Variants in ATP13A3 observed in about 807,000 individuals in gnomAD.
ATP13A3 encodes the protein polyamine-transporting ATPase 13A3.
In ATP13A3, 59 loss-of-function variants were observed where a neutral mutation model predicts 158.1. The observed-to-expected ratio is 0.37, with a 90% confidence interval of 0.30 to 0.46. The LOEUF is 0.46. Among genes scored for constraint, ATP13A3 ranks in the 20% least tolerant of loss-of-function variants. ATP13A3 has a pLI of 1.00. For synonymous variants in ATP13A3, 491 were observed against 504.3 expected, an observed-to-expected ratio of 0.97 and a Z score of 0.35; for missense variants, 1,166 against 1,525.2, an observed-to-expected ratio of 0.76 and a Z score of 3.92.
At chr3:194,476,046 C>A (rs1720509071) in intron 2 of ATP13A3, among the ~76,000 whole-genome samples, 1 of 152,148 alleles carries the variant, frequency 6.6e-6, no homozygotes, top group African/African-American at 2.4e-5. Context: ...TCTTACTCCA[C>A]ATGTACTTGA....
chr3:194,460,251 C>T (rs1010978677), intron 4 of ATP13A3, among the ~76,000 whole-genome samples: 81 of 152,100 alleles, frequency 5.3e-4, no homozygotes, highest in African/African-American at 1.8e-3. Flanking sequence ...TATATTTGGA[C>T]TAAATATTAA....
At chr3:194,440,696 T>G (rs1717991304) in intron 16 of ATP13A3, among the ~76,000 whole-genome samples, 1 of 151,996 alleles carries the variant, frequency 6.6e-6, no homozygotes, top group Non-Finnish European at 1.5e-5. Context: ...AGCCATGGGG[T>G]GGGGGCCAGA....
intron 30 of ATP13A3, among the ~76,000 whole-genome samples, chr3:194,424,157 A>T (rs1716591082): frequency 6.6e-6 from 1 of 151,850 alleles, no homozygotes; most frequent in Non-Finnish European, 1.5e-5. Flanking sequence ...GTTCTAATAC[A>T]GTTCTTAGTA....
chr3:194,413,419 A>G (rs570280448), intron 32 of ATP13A3, among the ~76,000 whole-genome samples: 1 of 152,254 alleles, frequency 6.6e-6, no homozygotes, highest in East Asian at 1.9e-4. Context: ...ATCACAAAAC[A>G]CAGGTGGCAC....
chr3:194,473,877 A>T (rs1207304588), intron 2 of ATP13A3, among the ~76,000 whole-genome samples: 1 of 152,240 alleles, frequency 6.6e-6, no homozygotes, highest in Non-Finnish European at 1.5e-5. Context: ...TATGTAATAT[A>T]TAAAAACAGG....
At chr3:194,445,573 A>G (rs866397359) in intron 14 of ATP13A3, among the ~76,000 whole-genome samples, 1 of 152,234 alleles carries the variant, frequency 6.6e-6, no homozygotes, top group Admixed American at 6.5e-5. Context: ...TATTATACAC[A>G]CATCTTTTCT....
chr3:194,457,056 A>G, intron 7 of ATP13A3, 38 bp downstream of exon 7: 2 of 1,511,458 alleles, frequency 1.3e-6, no homozygotes, highest in South Asian at 1.1e-5. Context: ...GCTTTTAGGA[A>G]TTTTGAGAAG....
intron 11 of ATP13A3, among the ~76,000 whole-genome samples, chr3:194,449,795 C>A (rs1718679593): frequency 6.6e-6 from 1 of 152,004 alleles, no homozygotes; most frequent in South Asian, 2.1e-4. Context: ...AATATAAAAT[C>A]TTTCTTTATT....
intron 15 of ATP13A3, among the ~76,000 whole-genome samples, chr3:194,443,232 A>C (rs996621042): frequency 6.6e-6 from 1 of 152,182 alleles, no homozygotes; most frequent in African/African-American, 2.4e-5. Context: ...AGAATAACCA[A>C]AAGTATCTTA....
intron 9 of ATP13A3, 91 bp downstream of exon 9, chr3:194,454,167 T>A: frequency 8.0e-7 from 1 of 1,250,688 alleles, no homozygotes; most frequent in Non-Finnish European, 1.1e-6. Context: ...GCATTGAGAA[T>A]TTACTTTGTG....
At chr3:194,450,664 G>A (rs1718744306) in intron 10 of ATP13A3, 1 of 165,196 alleles carries the variant, frequency 6.1e-6, no homozygotes, top group African/African-American at 2.4e-5. Context: ...TAATCCCTTG[G>A]AAACAGAAGG....
chr3:194,403,699 G>A lies in ATP13A3; in HGVS notation c.*2220C>T, dbSNP rs181177423. On this transcript the variant is annotated 3_prime_UTR_variant, in exon 34 of 34. Transcript: ENST00000645319. ...AAATTACTATGTAATGGTAACCTACGAGAGAAGACTCAGTCTATCTATGGC... is the reference window on the plus strand; with the variant it reads ...AAATTACTATGTAATGGTAACCTACAAGAGAAGACTCAGTCTATCTATGGC... The A allele has an allele frequency of 1.4e-3, 214 of 155,118 alleles. No homozygotes were observed. Among genetic ancestry groups the A allele is most frequent in the Non-Finnish European group, 2.5e-3 (173 of 70,012 alleles). The allele number at this position is 155,118 out of a possible 1,614,324, so 9.6% of individuals were successfully genotyped here.
chr3:194,462,102 T>C, intron 3 of ATP13A3, 38 bp downstream of exon 3: 7 of 1,594,308 alleles, frequency 4.4e-6, no homozygotes, highest in Non-Finnish European at 6.0e-6. Context: ...AGAGATAAAG[T>C]CTTCACACAT....
At chr3:194,478,947 T>C (rs1440173596) in intron 2 of ATP13A3, among the ~76,000 whole-genome samples, 1 of 152,146 alleles carries the variant, frequency 6.6e-6, no homozygotes, top group Non-Finnish European at 1.5e-5. Flanking sequence ...CCTAAAGGCA[T>C]AACCAAGAGG....
intron 14 of ATP13A3, among the ~76,000 whole-genome samples, chr3:194,446,623 T>C (rs1311642524): frequency 1.3e-5 from 2 of 152,224 alleles, no homozygotes; most frequent in Admixed American, 6.5e-5. Flanking sequence ...ATTTAGAAGT[T>C]TGGTGATTTT....
chr3:194,489,550 T>C (rs1721121233), upstream of ATP13A3, among the ~76,000 whole-genome samples: 1 of 152,148 alleles, frequency 6.6e-6, no homozygotes. The surrounding 1 kb of genome is among the most constrained non-coding windows in gnomAD (Gnocchi z 4.1). Flanking sequence ...CCATTTAAAA[T>C]CCTAAGAGTT....
At chr3:194,427,630 C>T (rs567774420) in intron 28 of ATP13A3, among the ~76,000 whole-genome samples, 1 of 138,856 alleles carries the variant, frequency 7.2e-6, no homozygotes, top group African/African-American at 2.7e-5. Context: ...GAAACCCCAT[C>T]TCTACAATAA....
chr3:194,470,604 T>C (rs1439920744), intron 2 of ATP13A3, among the ~76,000 whole-genome samples: 1 of 152,194 alleles, frequency 6.6e-6, no homozygotes, highest in Non-Finnish European at 1.5e-5. Flanking sequence ...CAAAATATCA[T>C]TTATATGCAA....
In ATP13A3 at chr3:194,431,006, G is replaced by A; in HGVS notation, c.2561C>T (p.Thr854Ile). 2 of 1,613,516 alleles carry A rather than the reference G, an allele frequency of 1.2e-6. No homozygotes were observed. Among genetic ancestry groups the A allele is most frequent in the Non-Finnish European group, 1.7e-6 (2 of 1,179,610 alleles). Residue 854 changes from threonine (T) to isoleucine (I), a missense_variant, in exon 24 of 34, where the codon ACC (threonine) becomes ATC (isoleucine). Physicochemically the swap from Thr to Ile is moderately conservative, Grantham distance 89. Around this residue, in one of 3 missense-constraint regions of ATP13A3, gnomAD observed 997 missense variants for 1,341.2 expected, o/e 0.74. Coordinates refer to ENST00000645319, the MANE Select transcript of ATP13A3 (RefSeq NM_001367549.1). The part of the protein sequence containing the change: ...DLVPKLMLHG[T>I]VFARMAPDQK... Reference sequence around the variant, plus strand: ...ATCAGGTGCCATACGGGCAAACACGGTGCCATGCAACATCAACTGGAAACA... The same window carrying A: ...ATCAGGTGCCATACGGGCAAACACGATGCCATGCAACATCAACTGGAAACA...
Sources: allele counts gnomAD v4.1 joint callset (sites outside exome capture counted in the v4.1 genomes callset), GRCh38; gene constraint gnomAD v4.1.1; regional missense constraint gnomAD v4.1.1; non-coding constraint Gnocchi (gnomAD v3.1); transcripts MANE v1.5; gene names NCBI Gene and HGNC (gene_info 2026-07-23, HGNC 2026-07-21).